The following RANBP2 variants were observed in gnomAD, a reference collection of about 807,000 sequenced individuals.
RANBP2 encodes the protein RAN binding protein 2.
RANBP2 carries 57 observed loss-of-function variants against 303.6 expected under a neutral mutation model. That is an observed-to-expected ratio of 0.19 (90% CI 0.15 to 0.23). The LOEUF (loss-of-function observed/expected upper bound fraction) is 0.23, where lower values mean the gene tolerates loss of function less well. Among genes scored for constraint, RANBP2 ranks in the 10% least tolerant of loss-of-function variants. The probability of loss-of-function intolerance (pLI) is 1.00; values close to 1 mark genes in which losing one functional copy is unlikely to be tolerated. For missense variants in RANBP2, 3,138 were observed against 3,780.8 expected, an observed-to-expected ratio of 0.83 and a Z score of 4.46; for synonymous variants, 1,167 against 1,301.5, an observed-to-expected ratio of 0.90 and a Z score of 2.23.
At chr2:109,189,895 T>C in the RANBP2 span, among the ~76,000 whole-genome samples, 1 of 152,172 alleles carries the variant, frequency 6.6e-6, no homozygotes, top group African/African-American at 2.4e-5. Flanking sequence ...GGAGCGATCA[T>C]ACTTTCTGCA....
the RANBP2 span, among the ~76,000 whole-genome samples, chr2:109,426,788 A>G: frequency 6.6e-6 from 1 of 152,144 alleles, no homozygotes; most frequent in Non-Finnish European, 1.5e-5. Context: ...GAAAGAGTCA[A>G]TGTAGCAAAC....
At chr2:109,512,120 A>G in the RANBP2 span, among the ~76,000 whole-genome samples, 1 of 152,102 alleles carries the variant, frequency 6.6e-6, no homozygotes, top group African/African-American at 2.4e-5. Context: ...TCAACATCCA[A>G]ACACTTTTAG....
chr2:109,238,977 C>G, the RANBP2 span, among the ~76,000 whole-genome samples: 3 of 152,150 alleles, frequency 2.0e-5, no homozygotes, highest in East Asian at 5.8e-4. Flanking sequence ...GCCTCCAGTT[C>G]TTTCTGTTCA....
At chr2:109,283,066 T>C in the RANBP2 span, among the ~76,000 whole-genome samples, 1 of 152,220 alleles carries the variant, frequency 6.6e-6, no homozygotes, top group Admixed American at 6.5e-5. Flanking sequence ...AAGTCCAGGC[T>C]TGGCCAGGGC....
the RANBP2 span, chr2:109,544,702 G>T: frequency 1.2e-6 from 1 of 855,070 alleles, no homozygotes. Flanking sequence ...TCCAAAGCAT[G>T]TTGAAAAGCA....
At chr2:109,604,963 A>C in the RANBP2 span, 4 of 152,164 alleles carry the variant, frequency 2.6e-5, no homozygotes, top group Admixed American at 6.5e-5. Flanking sequence ...ATAGGAGAGG[A>C]ATCAGCACAG....
chr2:108,957,278 A>G, the RANBP2 span, among the ~76,000 whole-genome samples: 1 of 152,216 alleles, frequency 6.6e-6, no homozygotes, highest in Admixed American at 6.5e-5. Flanking sequence ...GAGACAGATG[A>G]AAGCCTGGAA....
At chr2:108,861,472 C>CTTTTTTTTTTTTTTT in the RANBP2 span, among the ~76,000 whole-genome samples, 10 of 123,516 alleles carry the variant, frequency 8.1e-5, 1 homozygote, top group South Asian at 1.1e-3. Context: ...AACTTTCTTC[C>CTTTTTTTTTTTTTTT]TTTTTTTTTT....
chr2:109,335,174 C>T, the RANBP2 span, among the ~76,000 whole-genome samples: 6 of 152,236 alleles, frequency 3.9e-5, no homozygotes, highest in Non-Finnish European at 2.9e-5. Context: ...GTTACCTGTT[C>T]CTTGCGCCTG....
chr2:109,004,194 G>A, the RANBP2 span, among the ~76,000 whole-genome samples: 1 of 152,182 alleles, frequency 6.6e-6, no homozygotes, highest in African/African-American at 2.4e-5. Flanking sequence ...TGGCAACTTC[G>A]TAAACCAAGT....
At chr2:109,250,302 T>G in the RANBP2 span, among the ~76,000 whole-genome samples, 1 of 151,778 alleles carries the variant, frequency 6.6e-6, no homozygotes, top group Non-Finnish European at 1.5e-5. Flanking sequence ...CATTGCTGGT[T>G]GGACAGAGCC....
At chr2:109,444,184 A>G in the RANBP2 span, among the ~76,000 whole-genome samples, 2 of 152,280 alleles carry the variant, frequency 1.3e-5, no homozygotes, top group African/African-American at 4.8e-5. Context: ...AAGGGATATT[A>G]TAACGCATTT....
the RANBP2 span, among the ~76,000 whole-genome samples, chr2:109,499,921 G>A: frequency 2.0e-5 from 3 of 152,330 alleles, no homozygotes; most frequent in Admixed American, 2.0e-4. Context: ...ACAAGTGACT[G>A]GGGGTTTCCA....
the RANBP2 span, chr2:109,615,749 C>G: frequency 1.9e-6 from 3 of 1,613,988 alleles, no homozygotes; most frequent in Non-Finnish European, 2.5e-6. Flanking sequence ...AGGTGCTTCC[C>G]TCGCATCTCA....
chr2:109,644,844 A>G, the RANBP2 span, among the ~76,000 whole-genome samples: 1 of 152,278 alleles, frequency 6.6e-6, no homozygotes, highest in East Asian at 1.9e-4. Context: ...TTTGCTTTCT[A>G]GATCACAAGA....
intron 1 of RANBP2, among the ~76,000 whole-genome samples, chr2:108,720,357 T>TA (rs1311636911): frequency 2.0e-3 from 297 of 145,280 alleles, no homozygotes; most frequent in African/African-American, 6.6e-3. Context: ...TGCCTTTGCT[T>TA]AAAAAAAAAA....
chr2:109,574,899 C>A, the RANBP2 span: 1 of 524,120 alleles, frequency 1.9e-6, no homozygotes, highest in Non-Finnish European at 3.0e-6. Flanking sequence ...AACAGATTAA[C>A]TTTAGTGATA....
At chr2:108,995,534 AG>A in the RANBP2 span, among the ~76,000 whole-genome samples, 1 of 152,206 alleles carries the variant, frequency 6.6e-6, no homozygotes, top group Non-Finnish European at 1.5e-5. Flanking sequence ...GCATTTTAAC[AG>A]GAATTCACCC....
In RANBP2 at chr2:108,755,241, A is replaced by G. The variant is rs1378498878; in HGVS notation, c.2448A>G (p.Gln816=). The G allele has an allele frequency of 3.7e-6, 6 of 1,611,836 alleles. No homozygotes were observed. Among genetic ancestry groups the G allele is most frequent in the African/African-American group, 1.3e-5 (1 of 74,836 alleles). ...DQNSLLKMIC[Q]QVEAIKKEMQ... is the part of the protein sequence containing the mutation. The stretch of plus-strand genomic sequence containing the variant: ...ATTCTTTACTGAAAATGATTTGCCA[A>G]CAAGTAGAGGCCATTAAGGTAAGTC... The change falls in exon 17 of 29, where the codon CAA becomes CAG. Residue 816 remains glutamine (Q), a synonymous_variant. Transcript: ENST00000283195.
Sources: allele counts gnomAD v4.1 joint callset (sites outside exome capture counted in the v4.1 genomes callset), GRCh38; gene constraint gnomAD v4.1.1; transcripts MANE v1.5; gene names NCBI Gene and HGNC (gene_info 2026-07-23, HGNC 2026-07-21).